Variants in C1orf94 observed in about 807,000 individuals in gnomAD.
The protein encoded by C1orf94 is chromosome 1 open reading frame 94, also known as uncharacterized protein C1orf94.
In C1orf94, 45 loss-of-function variants were observed where a neutral mutation model predicts 53.6. That is an observed-to-expected ratio of 0.84 (90% CI 0.66 to 1.08). The LOEUF (loss-of-function observed/expected upper bound fraction) is 1.08, where lower values mean the gene tolerates loss of function less well. C1orf94 is among the 50% of genes least tolerant of loss of function. The pLI is 0.00. For missense variants in C1orf94, 762 were observed against 738.9 expected (o/e 1.03, Z -0.36); for synonymous variants, 304 against 296.1 (o/e 1.03, Z -0.27).
intron 1 of C1orf94, among the ~76,000 whole-genome samples, chr1:34,169,596 TGAGAGAGAGAGAGAGAGA>T (rs568952022): frequency 1.0e-5 from 1 of 97,552 alleles, no homozygotes; most frequent in African/African-American, 3.8e-5. Context: ...CTTCTGAAGC[TGAGAGAGAGAGAGAGAGA>T]GAGAGAGAGA....
At chr1:34,213,832 T>G (rs1278408298) in intron 6 of C1orf94, among the ~76,000 whole-genome samples, 1 of 152,124 alleles carries the variant, frequency 6.6e-6, no homozygotes, top group Non-Finnish European at 1.5e-5. Context: ...TGAGCCACCG[T>G]GCCCAGCATC....
At chr1:34,170,656 A>G (rs1374690529) in intron 1 of C1orf94, among the ~76,000 whole-genome samples, 3 of 151,924 alleles carry the variant, frequency 2.0e-5, no homozygotes, top group Admixed American at 1.3e-4. Context: ...TCTGTATTGT[A>G]TCTGGCATTC....
At chr1:34,187,769 A>ACCCCCCCCCC (rs1304813112) in intron 1 of C1orf94, among the ~76,000 whole-genome samples, 1 of 42,056 alleles carries the variant, frequency 2.4e-5, no homozygotes, top group Non-Finnish European at 4.4e-5. Context: ...GAATCCACCC[A>ACCCCCCCCCC]CCCCCCCCCC....
intron 1 of C1orf94, among the ~76,000 whole-genome samples, chr1:34,190,603 C>T (rs1158401558): frequency 6.6e-6 from 1 of 152,212 alleles, no homozygotes; most frequent in Non-Finnish European, 1.5e-5. Flanking sequence ...CTTCTGCTCT[C>T]CTAACTTAGG....
At chr1:34,169,104 C>A (rs538530821) in intron 1 of C1orf94, among the ~76,000 whole-genome samples, 1 of 142,690 alleles carries the variant, frequency 7.0e-6, no homozygotes, top group Non-Finnish European at 1.6e-5. Context: ...AGTGATGTGG[C>A]CTGACATATA....
intron 1 of C1orf94, among the ~76,000 whole-genome samples, chr1:34,179,602 G>A (rs542068558): frequency 5.3e-4 from 81 of 152,378 alleles, no homozygotes; most frequent in Admixed American, 1.2e-3. Flanking sequence ...TTTGCAAATT[G>A]AGGGTGATAT....
intron 1 of C1orf94, among the ~76,000 whole-genome samples, chr1:34,182,730 C>G (rs936918612): frequency 6.6e-6 from 1 of 152,182 alleles, no homozygotes; most frequent in Non-Finnish European, 1.5e-5. Context: ...GCATGCATCA[C>G]TATCAATGTG....
intron 1 of C1orf94, among the ~76,000 whole-genome samples, chr1:34,183,930 A>G (rs532421637): frequency 5.5e-4 from 84 of 152,234 alleles, no homozygotes; most frequent in African/African-American, 1.7e-3. Flanking sequence ...AAAGCTGGGG[A>G]CAGTCTCTGA....
intron 6 of C1orf94, among the ~76,000 whole-genome samples, chr1:34,214,907 G>A (rs1642957583): frequency 6.6e-6 from 1 of 152,180 alleles, no homozygotes; most frequent in Non-Finnish European, 1.5e-5. Context: ...TGTAAGGGAT[G>A]CAAGCCTGAG....
intron 4 of C1orf94, 120 bp downstream of exon 4, chr1:34,202,379 C>A: frequency 8.9e-7 from 1 of 1,127,632 alleles, no homozygotes; most frequent in Non-Finnish European, 1.2e-6. Context: ...CCCTTCCCTA[C>A]ATGCAAGAGG....
chr1:34,169,163 A>C (rs1309318434), intron 1 of C1orf94, among the ~76,000 whole-genome samples: 1 of 152,192 alleles, frequency 6.6e-6, no homozygotes, highest in African/African-American at 2.4e-5. Context: ...GGTACCACTT[A>C]GAAGACTACT....
chr1:34,178,038 G>A lies in C1orf94; in HGVS notation c.249G>A (p.Trp83Ter). ...GCCTGCCTGAGGCCTCACAGCCCTG[G>A]ACCTCCATGGAGCAGCTCTCTGTCC... ...VQGLPEASQP[W>*]TSMEQLSVPV... Residue 83 changes from tryptophan to a stop codon, truncating the protein, a stop_gained, in exon 1 of 7, where the codon TGG (tryptophan) becomes TGA (stop). Transcript: ENST00000488417. LOFTEE classifies it high-confidence loss of function. 6.4e-7 allele frequency: 1 copy of A among 1,551,696 alleles called. No homozygotes were observed.
rs372313446 is a variant in C1orf94, at chr1:34,197,702, C to A, written c.798C>A (p.Thr266=). The A allele has an allele frequency of 6.2e-7, 1 of 1,614,080 alleles. No individual in the cohort carries two copies. ...NKNVLDKTRV[T]KDFLQDNLFS... ...ATGTGCTGGACAAGACAAGGGTCAC[C>A]AAGGACTTCCTACAGGACAACCTGT... Residue 266 remains threonine (T), a synonymous_variant, in exon 2 of 7, where the codon ACC becomes ACA. Transcript: ENST00000488417. This position sits in a 1 kb window ranked among gnomAD's most constrained non-coding sequence, Gnocchi z 4.1.
rs3831264 is a variant in C1orf94 at position 34,218,970 on chromosome 1, CACACAT to C, written c.*210_*215del. The stretch of plus-strand genomic sequence containing the variant: ...ATGGCACAAGCTACACACACACACA[CACACAT>C]GACCCTCATATTCATACTTGCTTGC... On this transcript the variant is annotated 3_prime_UTR_variant, in exon 7 of 7. Transcript: ENST00000488417. The C allele has an allele frequency of 0.48, 181,952 of 377,978 alleles. 43,414 individuals are homozygous for C. Among genetic ancestry groups the C allele is most frequent in the Admixed American group, 0.59 (13,373 of 22,858 alleles). 23.4% of individuals were successfully genotyped at this position (377,978 alleles called of 1,614,324 possible). A position where few individuals can be genotyped will look rare whatever the true frequency, so the allele number is the denominator to read the frequency against.
chr1:34,202,024 G>A (rs939278086), intron 3 of C1orf94, 60 bp from the exon 4 acceptor site: 6 of 1,555,412 alleles, frequency 3.9e-6, no homozygotes, highest in Non-Finnish European at 5.3e-6. Flanking sequence ...GATGCTGAAG[G>A]TGTCCTGGCC....
intron 1 of C1orf94, among the ~76,000 whole-genome samples, chr1:34,191,329 A>C (rs1642476009): frequency 6.6e-6 from 1 of 152,174 alleles, no homozygotes; most frequent in South Asian, 2.1e-4. Flanking sequence ...CTAAATAAAT[A>C]ATGAGCCCTT....
chr1:34,218,050 C>T (rs1389030070), intron 6 of C1orf94, among the ~76,000 whole-genome samples: 1 of 152,060 alleles, frequency 6.6e-6, no homozygotes, highest in Non-Finnish European at 1.5e-5. Context: ...TAGGAGTGTG[C>T]CAGGGAGAAA....
chr1:34,212,374 T>C lies in C1orf94; in HGVS notation c.1689T>C (p.Asp563=). Residue 563 remains aspartate (D), a synonymous_variant, in exon 6 of 7, where the codon GAT becomes GAC. Transcript: ENST00000488417. ...NPRDPPLMAG[D]GPQYLFPQGY... is the part of the protein sequence containing the mutation. ...GAGACCCTCCCCTAATGGCAGGAGA[T>C]GGACCGCAGTACCTCTTTCCCCAAG... is the stretch of plus-strand genomic sequence containing the variant. 6.2e-7 allele frequency: 1 copy of C among 1,609,694 alleles called. No homozygotes were observed. The highest frequency in any genetic ancestry group is 8.5e-7 in the Non-Finnish European group (1 of 1,178,790).
chr1:34,186,064 T>C (rs1642380486), intron 1 of C1orf94, among the ~76,000 whole-genome samples: 1 of 152,252 alleles, frequency 6.6e-6, no homozygotes, highest in Non-Finnish European at 1.5e-5. Flanking sequence ...GTTGCTCACA[T>C]CATTCAACAT....
Sources: gnomAD v4.1 joint callset for allele counts (sites outside exome capture counted in the v4.1 genomes callset) on GRCh38, gnomAD v4.1.1 for gene constraint, Gnocchi (gnomAD v3.1) non-coding constraint, MANE v1.5 for transcripts, NCBI Gene and HGNC (gene_info 2026-07-23, HGNC 2026-07-21) for gene names.